The following PARD3B variants were observed in gnomAD, a reference collection of about 807,000 sequenced individuals.
PARD3B encodes the protein par-3 family cell polarity regulator beta.
In PARD3B, 103 loss-of-function variants were observed where a neutral mutation model predicts 130.2. The observed-to-expected ratio is 0.79, with a 90% CI of 0.67 to 0.93. The LOEUF (loss-of-function observed/expected upper bound fraction) is 0.93, where lower values mean the gene tolerates loss of function less well. PARD3B is among the 40% of genes least tolerant of loss of function. PARD3B has a pLI of 0.00. For synonymous variants in PARD3B, 583 were observed against 553.2 expected (o/e 1.05, Z -0.76); for missense variants, 1,609 against 1,499.2 (o/e 1.07, Z -1.21).
intron 18 of PARD3B, among the ~76,000 whole-genome samples, chr2:205,315,718 C>T (rs1417422402): frequency 6.6e-6 from 1 of 152,180 alleles, no homozygotes; most frequent in Admixed American, 6.6e-5. Context: ...ATTATTCACT[C>T]TTACTCTCTT....
intron 2 of PARD3B, among the ~76,000 whole-genome samples, chr2:204,903,716 A>G (rs748743967): frequency 6.6e-6 from 1 of 152,180 alleles, no homozygotes; most frequent in Non-Finnish European, 1.5e-5. Flanking sequence ...CTACCTTTTC[A>G]TTAAAAGGCA....
intron 18 of PARD3B, among the ~76,000 whole-genome samples, chr2:205,307,403 A>G (rs1018726530): frequency 3.3e-5 from 5 of 152,184 alleles, no homozygotes. Context: ...AATTATTATT[A>G]TTATTGTGGA....
chr2:204,569,815 G>A (rs912082259), intron 1 of PARD3B, among the ~76,000 whole-genome samples: 2 of 152,198 alleles, frequency 1.3e-5, no homozygotes, highest in African/African-American at 4.8e-5. Flanking sequence ...GTGCAAAAAA[G>A]TGGGGAGATG....
intron 4 of PARD3B, among the ~76,000 whole-genome samples, chr2:205,052,951 T>C (rs945453584): frequency 6.6e-6 from 1 of 152,032 alleles, no homozygotes; most frequent in Non-Finnish European, 1.5e-5. Context: ...AGGGGAAGTG[T>C]TTCCAGTTGT....
At chr2:205,551,175 A>G (rs2052629421) in intron 21 of PARD3B, among the ~76,000 whole-genome samples, 1 of 151,700 alleles carries the variant, frequency 6.6e-6, no homozygotes, top group South Asian at 2.1e-4. Flanking sequence ...ATCCAGAGCT[A>G]TACTATGGAT....
intron 14 of PARD3B, among the ~76,000 whole-genome samples, chr2:205,188,947 C>A (rs1015695826): frequency 2.0e-5 from 3 of 152,092 alleles, no homozygotes; most frequent in Non-Finnish European, 4.4e-5. Flanking sequence ...AATTGCTCAA[C>A]CTATTTTTAC....
intron 15 of PARD3B, among the ~76,000 whole-genome samples, chr2:205,202,741 A>T (rs2125828569): frequency 6.6e-6 from 1 of 152,302 alleles, no homozygotes; most frequent in South Asian, 2.1e-4. Context: ...TGCCTAGAAC[A>T]TCCCTAATGC....
intron 3 of PARD3B, among the ~76,000 whole-genome samples, chr2:205,001,817 C>T (rs187814122): frequency 7.8e-4 from 119 of 152,230 alleles, no homozygotes; most frequent in African/African-American, 2.7e-3. Flanking sequence ...GGCTGATGTG[C>T]GCCTTATGAC....
chr2:204,625,942 G>A (rs2034471990), intron 1 of PARD3B, among the ~76,000 whole-genome samples: 1 of 152,086 alleles, frequency 6.6e-6, no homozygotes, highest in Admixed American at 6.6e-5. Flanking sequence ...GGTTCACTTA[G>A]ATGTATAGGG....
At chr2:205,604,788 T>A (rs2054923607) in intron 22 of PARD3B, among the ~76,000 whole-genome samples, 1 of 152,188 alleles carries the variant, frequency 6.6e-6, no homozygotes. Context: ...CTGGATGATG[T>A]CCTGAAGTAT....
chr2:205,390,280 A>G (rs1472530605), intron 18 of PARD3B, among the ~76,000 whole-genome samples: 4 of 151,568 alleles, frequency 2.6e-5, no homozygotes, highest in African/African-American at 7.3e-5. Flanking sequence ...AATTTTATAT[A>G]TTAGAAAGAA....
chr2:205,012,536 A>G (rs1237120605), intron 3 of PARD3B, among the ~76,000 whole-genome samples: 1 of 152,188 alleles, frequency 6.6e-6, no homozygotes, highest in Non-Finnish European at 1.5e-5. Flanking sequence ...ATTTATAAGA[A>G]AAGAAGAGTA....
intron 20 of PARD3B, among the ~76,000 whole-genome samples, chr2:205,449,932 G>A (rs1438872100): frequency 2.6e-5 from 4 of 152,126 alleles, no homozygotes; most frequent in African/African-American, 9.7e-5. Context: ...GGTGTATGTG[G>A]GATATGTTGT....
rs2047103822 is a variant in PARD3B at position 204,908,185 on chromosome 2, A to G, written c.223-56967A>G. ...ATCTTTGAACTTGTAATATAAGAGA[A>G]TAATGATAATGAAGGAAATAGTAAG... On this transcript the variant is annotated intron_variant, in intron 2 of 22. Coordinates refer to ENST00000406610, the MANE Select transcript of PARD3B (RefSeq NM_001302769.2). 2.0e-5 allele frequency among the ~76,000 whole-genome samples: 3 copies of G among 152,234 alleles called. No individual in the cohort carries two copies. In the South Asian group the frequency reaches 6.2e-4, roughly 31 times the overall value.
intron 2 of PARD3B, among the ~76,000 whole-genome samples, chr2:204,703,991 A>G (rs1022036890): frequency 2.0e-5 from 3 of 152,156 alleles, no homozygotes; most frequent in Non-Finnish European, 2.9e-5. Flanking sequence ...ACATTTAGGA[A>G]ATGATTTGTC....
At position 205,471,684 on chromosome 2, in the gene PARD3B, A is replaced by G. The variant is rs190487826; in HGVS notation, c.3045-28212A>G. On this transcript the variant is annotated intron_variant, in intron 20 of 22. Transcript: ENST00000406610. ...GGCCCTCATTTTTATTTTCTAAACTAAAAAACAGTAACCTGAGATACTCAC... is the reference window on the plus strand; with the variant it reads ...GGCCCTCATTTTTATTTTCTAAACTGAAAAACAGTAACCTGAGATACTCAC... Among the ~76,000 whole-genome samples the G allele has an allele frequency of 3.3e-4, 51 of 152,260 alleles. No individual in the cohort carries two copies. The East Asian group carries it at 8.7e-3, about 26-fold the overall frequency.
At chr2:204,593,581 A>G (rs777868841) in intron 1 of PARD3B, among the ~76,000 whole-genome samples, 1 of 152,214 alleles carries the variant, frequency 6.6e-6, no homozygotes, top group Non-Finnish European at 1.5e-5. Flanking sequence ...TATCTTGATA[A>G]TGATTATAGT....
At chr2:205,088,946 C>T (rs574011612) in intron 4 of PARD3B, among the ~76,000 whole-genome samples, 3 of 150,476 alleles carry the variant, frequency 2.0e-5, no homozygotes, top group South Asian at 4.2e-4. Context: ...CTACAGGTGC[C>T]CGCCACCACA....
At chr2:204,753,552 T>TAC (rs150287363) in intron 2 of PARD3B, among the ~76,000 whole-genome samples, 38,030 of 151,788 alleles carry the variant, frequency 0.25, 5,535 homozygotes, top group African/African-American at 0.41. Flanking sequence ...ACTTGACTGA[T>TAC]TTGACTGGAA....
Sources: allele counts gnomAD v4.1 joint callset (sites outside exome capture counted in the v4.1 genomes callset), GRCh38; gene constraint gnomAD v4.1.1; transcripts MANE v1.5; gene names NCBI Gene and HGNC (gene_info 2026-07-23, HGNC 2026-07-21).